Variants in ABCA5 observed in about 807,000 individuals in gnomAD.
The protein encoded by ABCA5 is cholesterol transporter ABCA5.
In ABCA5, 163 loss-of-function variants were observed where a neutral mutation model predicts 206.0. The ratio of observed to expected loss-of-function variants is 0.79; its 90% CI spans 0.70 to 0.90. The LOEUF (loss-of-function observed/expected upper bound fraction) is 0.90. Ranked by LOEUF, ABCA5 falls within the 40% of genes least tolerant of loss-of-function variation. The probability of loss-of-function intolerance (pLI) is 0.00; values close to 1 mark genes in which losing one functional copy is unlikely to be tolerated. For synonymous variants in ABCA5, 609 were observed against 613.8 expected (o/e 0.99, Z 0.11); for missense variants, 1,859 against 1,912.9 (o/e 0.97, Z 0.53).
Position 69,247,385 on chromosome 17 carries a change from C to CA in ABCA5, c.*151dup. 1.8e-6 allele frequency: 1 copy of CA among 563,958 alleles called. No homozygotes were observed. The highest frequency in any genetic ancestry group is 3.1e-6 in the Non-Finnish European group (1 of 322,294). 34.9% of individuals were successfully genotyped at this position (563,958 alleles called of 1,614,324 possible). Reference sequence around the variant, plus strand: ...GTTTTATTTAAAGAAAAGCAAAACACACAACCACAGCATTTCAATTAAGGA... The same window carrying CA: ...GTTTTATTTAAAGAAAAGCAAAACACAACAACCACAGCATTTCAATTAAGGA... On this transcript the variant is annotated 3_prime_UTR_variant, in exon 39 of 39. Transcript: ENST00000392676.
chr17:69,300,445 A>T (rs2075640594), intron 9 of ABCA5, among the ~76,000 whole-genome samples: 1 of 152,182 alleles, frequency 6.6e-6, no homozygotes, highest in African/African-American at 2.4e-5. Context: ...GGGAACCTCT[A>T]GTCTAGACTA....
chr17:69,319,899 A>C (rs1336622417), intron 1 of ABCA5, among the ~76,000 whole-genome samples: 9 of 152,242 alleles, frequency 5.9e-5, no homozygotes, highest in Non-Finnish European at 5.9e-5. Context: ...GGTTAAGAGT[A>C]TGACCTCTGA....
chr17:69,320,253 T>C (rs1486377819), intron 1 of ABCA5, among the ~76,000 whole-genome samples: 1 of 151,966 alleles, frequency 6.6e-6, no homozygotes, highest in Non-Finnish European at 1.5e-5. Flanking sequence ...AAAAAACTGA[T>C]AGAAATAAAA....
At chr17:69,254,581 C>T (rs1320975669) in intron 31 of ABCA5, 91 bp from the exon 32 acceptor site, 1 of 914,616 alleles carries the variant, frequency 1.1e-6, no homozygotes, top group Non-Finnish European at 1.6e-6. Context: ...CTTCCTACAG[C>T]CAGACTAATA....
At chr17:69,259,880 A>C (rs909911867) in intron 27 of ABCA5, 83 bp from the exon 28 acceptor site, 31 of 719,042 alleles carry the variant, frequency 4.3e-5, no homozygotes, top group Admixed American at 2.9e-4. Flanking sequence ...CAGAACTAAG[A>C]CTACATACAT....
chr17:69,279,615 C>T (rs1347470899), intron 18 of ABCA5, among the ~76,000 whole-genome samples: 30 of 152,048 alleles, frequency 2.0e-4, no homozygotes, highest in Admixed American at 1.7e-3. Context: ...AGGCATCACG[C>T]TACCTGACTT....
intron 9 of ABCA5, 108 bp downstream of exon 9, chr17:69,301,031 G>C (rs1031048944): frequency 4.1e-6 from 4 of 975,392 alleles, no homozygotes; most frequent in East Asian, 2.8e-5. Context: ...CAATGAATAT[G>C]ACTTAGGGTA....
chr17:69,314,107 AATT>A (rs1291520858), intron 2 of ABCA5, among the ~76,000 whole-genome samples: 2 of 152,192 alleles, frequency 1.3e-5, no homozygotes, highest in South Asian at 2.1e-4. Flanking sequence ...TAAATGTAGA[AATT>A]ATTATTAAAA....
chr17:69,261,297 T>A (rs750134305), intron 25 of ABCA5, 38 bp from the exon 26 acceptor site: 4 of 1,557,010 alleles, frequency 2.6e-6, no homozygotes, highest in Non-Finnish European at 8.7e-7. Flanking sequence ...TGACAAAGTG[T>A]TTAGAAACTT....
chr17:69,268,948 C>T (rs1003310913), intron 22 of ABCA5: 5 of 152,044 alleles, frequency 3.3e-5, no homozygotes, highest in African/African-American at 9.7e-5. Context: ...ACAGTGGAGG[C>T]TCAGAAAGAA....
Position 69,306,874 on chromosome 17 carries a change from T to C in ABCA5, c.639A>G (p.Ile213Met), listed in dbSNP as rs1319324560. ...VIMGETAVVE[I>M]DTFPRGVILI... ...AAATTACTCCTCGGGGAAAGGTATC[T>C]ATTTCTACAACAGCAGTTTCTCCCA... Residue 213 changes from isoleucine (I) to methionine (M), a missense_variant, in exon 6 of 39, where the codon ATA becomes ATG. Coordinates refer to ENST00000392676, the MANE Select transcript of ABCA5 (RefSeq NM_172232.4). 6 of 1,602,880 alleles carry C rather than the reference T, an allele frequency of 3.7e-6. No individual in the cohort carries two copies. The highest frequency in any genetic ancestry group is 5.1e-6 in the Non-Finnish European group (6 of 1,174,046).
chr17:69,299,455 T>TACAC (rs779059294), intron 9 of ABCA5, among the ~76,000 whole-genome samples: 140 of 62,616 alleles, frequency 2.2e-3, no homozygotes, highest in Admixed American at 3.4e-3. Context: ...GAAAATGTGA[T>TACAC]ACACACACAC....
intron 3 of ABCA5, among the ~76,000 whole-genome samples, chr17:69,312,292 T>C (rs977052684): frequency 3.3e-5 from 5 of 152,128 alleles, no homozygotes; most frequent in Non-Finnish European, 7.4e-5. Context: ...AAGTGCACAT[T>C]GAGAAAAAAG....
At chr17:69,279,858 C>T (rs1299178875) in intron 18 of ABCA5, among the ~76,000 whole-genome samples, 2 of 152,168 alleles carry the variant, frequency 1.3e-5, no homozygotes. Flanking sequence ...GGATCCCTTC[C>T]TTACACCTTG....
At chr17:69,256,367 G>T (rs1171514280) in intron 28 of ABCA5, 84 bp from the exon 29 acceptor site, 11 of 846,918 alleles carry the variant, frequency 1.3e-5, no homozygotes, top group Non-Finnish European at 1.6e-5. Context: ...GTAGAGAAAA[G>T]ACTGAAAAAA....
intron 35 of ABCA5, chr17:69,251,157 A>G (rs988144572): frequency 3.9e-5 from 6 of 152,804 alleles, no homozygotes; most frequent in African/African-American, 1.4e-4. Flanking sequence ...TTTTTCCATC[A>G]TATCATATCA....
chr17:69,272,571 C>T (rs1394858936), intron 20 of ABCA5, among the ~76,000 whole-genome samples: 1 of 151,426 alleles, frequency 6.6e-6, no homozygotes, highest in Non-Finnish European at 1.5e-5. Context: ...TAAAAAATGT[C>T]AAGATTAGCA....
At chr17:69,299,951 T>G (rs1019029735) in intron 9 of ABCA5, among the ~76,000 whole-genome samples, 3 of 152,154 alleles carry the variant, frequency 2.0e-5, no homozygotes, top group Non-Finnish European at 4.4e-5. Flanking sequence ...GTCCCCAGCC[T>G]TTTTGGCACC....
In ABCA5 at chr17:69,277,695, A is replaced by G. The variant is rs770641929; in HGVS notation, c.2540T>C (p.Ile847Thr). 4 of 1,611,534 alleles carry G rather than the reference A, an allele frequency of 2.5e-6. No individual in the cohort carries two copies. Among genetic ancestry groups the G allele is most frequent in the Non-Finnish European group, 2.5e-6 (3 of 1,179,278 alleles). The change falls in exon 19 of 39, where the codon ATA becomes ACA. Residue 847 changes from isoleucine to threonine, a missense_variant. By Grantham distance (89) the Ile-to-Thr change is moderately conservative. Transcript: ENST00000392676. The part of the protein sequence containing the change: ...MSLWKQQMYT[I>T]AKFHFFTLKR... ...CAAGGTAAAGAAATGAAACTTTGCT[A>G]TTGTATACATCTGTTGTTTCCAAAG...
Sources: allele counts gnomAD v4.1 joint callset (sites outside exome capture counted in the v4.1 genomes callset), GRCh38; gene constraint gnomAD v4.1.1; transcripts MANE v1.5; gene names NCBI Gene and HGNC (gene_info 2026-07-23, HGNC 2026-07-21).